KLK7: variants seen among roughly 807,000 people sequenced by gnomAD.
KLK7 encodes kallikrein-7.
In KLK7, 17 loss-of-function variants were observed where a neutral mutation model predicts 21.0. The ratio of observed to expected loss-of-function variants is 0.81; its 90% CI spans 0.55 to 1.21. The LOEUF (loss-of-function observed/expected upper bound fraction) is 1.21, where lower values mean the gene tolerates loss of function less well. Among genes scored for constraint, KLK7 ranks in the 50% most tolerant of loss-of-function variants. The pLI is 0.00. For synonymous variants in KLK7, 151 were observed against 134.6 expected (o/e 1.12, Z -0.85); for missense variants, 330 against 322.8 (o/e 1.02, Z -0.17).
Position 50,977,674 on chromosome 19 carries a change from C to T in KLK7, c.624G>A (p.Pro208=), listed in dbSNP as rs73932697. 1.2e-4 allele frequency: 198 copies of T among 1,613,302 alleles called. No homozygotes were observed. The highest frequency in any genetic ancestry group is 3.7e-4 in the African/African-American group (28 of 75,046). ...KNACNGDSGG[P]LVCRGTLQGL... ...CTTGCAGGGTACCTCTGCACACCAACGGTCCCCCTGAGTCACCCTAGAGGG... is the reference window on the plus strand; with the variant it reads ...CTTGCAGGGTACCTCTGCACACCAATGGTCCCCCTGAGTCACCCTAGAGGG... The change falls in exon 6 of 6, where the codon CCG becomes CCA. Residue 208 remains proline (P), a synonymous_variant. Coordinates refer to ENST00000595820, the MANE Select transcript of KLK7 (RefSeq NM_005046.4).
intron 1 of KLK7, among the ~76,000 whole-genome samples, chr19:50,983,302 GA>G (rs1284227324): frequency 0.087 from 926 of 10,694 alleles, 413 homozygotes; most frequent in East Asian, 0.11. Flanking sequence ...TCCTCCCTCA[GA>G]CCCAGGAGTC....
chr19:50,980,494 G>A lies in KLK7; in HGVS notation c.222-7C>T, dbSNP rs528302961. 1 of 1,613,708 alleles carries A rather than the reference G, an allele frequency of 6.2e-7. No homozygotes were observed. Among genetic ancestry groups the A allele is most frequent in the Non-Finnish European group, 8.5e-7 (1 of 1,179,826 alleles). On this transcript the variant is annotated splice_region_variant and splice_polypyrimidine_tract_variant and intron_variant, in intron 3 of 5. Transcript: ENST00000595820. Reference sequence around the variant, plus strand: ...CAGGTGCACGGTGTACTCACTGCGAGGAGTGACATTCACAGATTCAGAAGA... The same window carrying A: ...CAGGTGCACGGTGTACTCACTGCGAAGAGTGACATTCACAGATTCAGAAGA...
intron 4 of KLK7, 82 bp downstream of exon 4, chr19:50,980,158 G>A: frequency 1.4e-6 from 2 of 1,463,944 alleles, no homozygotes; most frequent in East Asian, 4.8e-5. Context: ...GGGTCTGAGG[G>A]AGGAGGGGCT....
At chr19:50,978,727 C>A (rs111212209) in intron 5 of KLK7, among the ~76,000 whole-genome samples, 19,507 of 128,238 alleles carry the variant, frequency 0.15, 2,327 homozygotes, top group African/African-American at 0.33. Flanking sequence ...GATGGGGGAG[C>A]GGCAGGGAGA....
intron 3 of KLK7, among the ~76,000 whole-genome samples, chr19:50,981,185 G>GAA: frequency 6.9e-6 from 1 of 144,710 alleles, no homozygotes; most frequent in East Asian, 2.2e-4. Flanking sequence ...AGAGAGAGAG[G>GAA]GACAGAGACC....
chr19:50,982,626 C>T (rs2091099324), intron 1 of KLK7, among the ~76,000 whole-genome samples, 169 bp from the exon 2 acceptor site: 1 of 145,192 alleles, frequency 6.9e-6, no homozygotes, highest in Non-Finnish European at 1.5e-5. Context: ...GGTCCAGAAC[C>T]CCAGCCCCTC....
At chr19:50,978,656 G>T (rs1293984184) in intron 5 of KLK7, among the ~76,000 whole-genome samples, 1 of 136,294 alleles carries the variant, frequency 7.3e-6, no homozygotes, top group African/African-American at 2.8e-5. Flanking sequence ...GGGTGGGGGT[G>T]GGGAGAGGAG....
At position 50,979,794 on chromosome 19, in the gene KLK7, G is replaced by A. The variant is rs1447280884; in HGVS notation, c.600C>T (p.Ala200=). Residue 200 remains alanine (A), a synonymous_variant, in exon 5 of 6, where the codon GCC becomes GCT. Transcript: ENST00000595820. ...TTGGGGGGGAGGGTCTCACATTGCA[G>A]GCGTTTTTCTTGGAGTCGGGGATGC... ...CAGIPDSKKN[A]CNGDSGGPLV... is the part of the protein sequence containing the mutation. The A allele has an allele frequency of 3.2e-6, 5 of 1,570,728 alleles. No individual in the cohort carries two copies. In the South Asian group the frequency reaches 4.7e-5, roughly 15 times the overall value.
intron 4 of KLK7, 52 bp from the exon 5 acceptor site, chr19:50,979,976 C>T: frequency 6.4e-7 from 1 of 1,556,252 alleles, no homozygotes; most frequent in East Asian, 2.3e-5. Flanking sequence ...GGGGCGAGGA[C>T]CAGAAGGGCT....
At chr19:50,981,222 CA>C (rs2091081718) in intron 3 of KLK7, among the ~76,000 whole-genome samples, 1 of 130,570 alleles carries the variant, frequency 7.7e-6, no homozygotes, top group African/African-American at 3.2e-5. Context: ...GAACAGAGAC[CA>C]GAGAGAGAGG....
intron 1 of KLK7, among the ~76,000 whole-genome samples, chr19:50,983,053 C>T (rs1156741483): frequency 1.0e-4 from 4 of 38,150 alleles, no homozygotes; most frequent in East Asian, 8.5e-4. Flanking sequence ...CCCTCAGACC[C>T]AGGAGTCCAG....
At chr19:50,982,090 A>T (rs1360741625) in intron 2 of KLK7, 176 bp from the exon 3 acceptor site, 2 of 841,610 alleles carry the variant, frequency 2.4e-6, no homozygotes, top group East Asian at 5.3e-5. Flanking sequence ...TCAGAAACCC[A>T]GGAGGCGCAT....
intron 3 of KLK7, 33 bp from the exon 4 acceptor site, chr19:50,980,520 GAC>G: frequency 6.2e-7 from 1 of 1,612,360 alleles, no homozygotes; most frequent in Non-Finnish European, 8.5e-7. Flanking sequence ...ATTCAGAAGA[GAC>G]ACTGTGACAG....
At position 50,979,772 on chromosome 19, in the gene KLK7, G is replaced by T. The variant is rs193134294; in HGVS notation, c.606+16C>A. 3,354 of 1,562,546 alleles carry T rather than the reference G, an allele frequency of 2.1e-3. 4 individuals carry two copies. The highest frequency in any genetic ancestry group is 2.6e-3 in the Non-Finnish European group (2,967 of 1,152,464). On this transcript the variant is annotated intron_variant, in intron 5 of 5. Transcript: ENST00000595820. The stretch of plus-strand genomic sequence containing the variant: ...GGTACCCAGGACTGGGGAGGAATTG[G>T]GGGGGAGGGTCTCACATTGCAGGCG...
rs1014604114 is a variant in KLK7, at chr19:50,983,748, G to A, written c.-59+103C>T. 8 of 1,252,620 alleles carry A rather than the reference G, an allele frequency of 6.4e-6. No homozygotes were observed. In the Admixed American group the frequency reaches 1.2e-4, roughly 19 times the overall value. The allele number at this position is 1,252,620 out of a possible 1,614,324, so 77.6% of individuals were successfully genotyped here. A position where few individuals can be genotyped will look rare whatever the true frequency, so the allele number is the denominator to read the frequency against. The stretch of plus-strand genomic sequence containing the variant: ...TTCCAGGCCCTCACTGCTCAGGACC[G>A]GGAGTCTAGGCTGCAGCCCCTACCT... On this transcript the variant is annotated intron_variant, in intron 1 of 5. Transcript: ENST00000595820.
chr19:50,980,635 G>A, intron 3 of KLK7, 148 bp from the exon 4 acceptor site: 1 of 864,230 alleles, frequency 1.2e-6, no homozygotes. Context: ...GACCCAGAGA[G>A]AGGGGAACAG....
At chr19:50,981,025 C>T (rs1600111281) in intron 3 of KLK7, among the ~76,000 whole-genome samples, 1 of 112,052 alleles carries the variant, frequency 8.9e-6, no homozygotes, top group South Asian at 2.9e-4. Context: ...GGACAGAGAT[C>T]CAGAGAGAGA....
At chr19:50,984,031 G>T, upstream of KLK7, 1 of 769,750 alleles carries the variant, frequency 1.3e-6, no homozygotes, top group Non-Finnish European at 1.9e-6. Flanking sequence ...TTGCGGTTCT[G>T]GTTATCTGGA....
intron 5 of KLK7, among the ~76,000 whole-genome samples, 163 bp from the exon 6 acceptor site, chr19:50,977,854 C>T (rs571182395): frequency 1.3e-5 from 2 of 152,320 alleles, no homozygotes; most frequent in East Asian, 1.9e-4. Flanking sequence ...AGAGCTAGTG[C>T]TAGGGACACA....
Sources: gnomAD v4.1 joint callset for allele counts (sites outside exome capture counted in the v4.1 genomes callset) on GRCh38, gnomAD v4.1.1 for gene constraint, MANE v1.5 for transcripts, NCBI Gene and HGNC (gene_info 2026-07-23, HGNC 2026-07-21) for gene names.